The following CAGE1 variants were observed in gnomAD, a reference collection of about 807,000 sequenced individuals.
The protein encoded by CAGE1 is cancer-associated gene 1 protein.
A neutral mutation model predicts 94.9 loss-of-function variants in CAGE1; 66 were observed. The ratio of observed to expected loss-of-function variants is 0.70; its 90% confidence interval spans 0.57 to 0.85. CAGE1 has a LOEUF of 0.85. Ranked by LOEUF, CAGE1 falls within the 40% of genes least tolerant of loss-of-function variation. CAGE1 has a pLI of 0.00. For synonymous variants in CAGE1, 319 were observed against 321.0 expected, an observed-to-expected ratio of 0.99 and a Z score of 0.07; for missense variants, 865 against 950.4, an observed-to-expected ratio of 0.91 and a Z score of 1.18.
intron 6 of CAGE1, 36 bp downstream of exon 6, chr6:7,369,883 C>T (rs1050024727): frequency 1.3e-6 from 2 of 1,560,426 alleles, no homozygotes; most frequent in Non-Finnish European, 1.7e-6. Context: ...ATTTATTCCT[C>T]CCCTACTAAA....
At chr6:7,375,553 A>C (rs1488514119) in intron 4 of CAGE1, among the ~76,000 whole-genome samples, 3 of 152,196 alleles carry the variant, frequency 2.0e-5, no homozygotes, top group Non-Finnish European at 2.9e-5. Context: ...TTTGGGTAAC[A>C]CAGTGATACC....
At chr6:7,337,337 A>T (rs1758992336) in intron 11 of CAGE1, among the ~76,000 whole-genome samples, 1 of 151,808 alleles carries the variant, frequency 6.6e-6, no homozygotes, top group Non-Finnish European at 1.5e-5. Flanking sequence ...AAAAAAAAAA[A>T]AAAAAAAAAG....
chr6:7,345,087 G>C (rs566967538), intron 11 of CAGE1, among the ~76,000 whole-genome samples: 1 of 151,832 alleles, frequency 6.6e-6, no homozygotes, highest in South Asian at 2.1e-4. Flanking sequence ...CTTTCACCCT[G>C]CAGTAAATCT....
In CAGE1 at chr6:7,342,883, C is replaced by G. The variant is rs186457087; in HGVS notation, c.2370-8793G>C. ...TCTACATGTGGCTTGCCAATTATCC[C>G]AGCACCATTTGTTGAATAGGGTGTG... On this transcript the variant is annotated intron_variant, in intron 11 of 13. Coordinates refer to ENST00000502583, the MANE Select transcript of CAGE1 (RefSeq NM_001170692.2). Among the ~76,000 whole-genome samples the G allele has an allele frequency of 5.9e-5, 9 of 151,890 alleles. No individual in the cohort carries two copies. The East Asian group carries it at 1.7e-3, about 29-fold the overall frequency.
At chr6:7,371,662 A>G (rs1760542233) in intron 5 of CAGE1, among the ~76,000 whole-genome samples, 1 of 151,974 alleles carries the variant, frequency 6.6e-6, no homozygotes, top group Non-Finnish European at 1.5e-5. Context: ...GTGTGTGCCT[A>G]TATAATCCCA....
Position 7,378,848 on chromosome 6 carries a change from T to C in CAGE1, c.456A>G (p.Lys152=), listed in dbSNP as rs1334252821. 6.2e-7 allele frequency: 1 copy of C among 1,612,724 alleles called. No individual in the cohort carries two copies. The stretch of plus-strand genomic sequence containing the variant: ...ATGAGTCTTGCTTTATATTGTTGTC[T>C]TTTGCATAATTATACACTTGACTTT... ...EFQSQVYNYA[K]DNNIKQDSFK... Residue 152 remains lysine (K), a synonymous_variant, in exon 4 of 14, where the codon AAA becomes AAG. Coordinates refer to ENST00000502583, the MANE Select transcript of CAGE1 (RefSeq NM_001170692.2).
intron 13 of CAGE1, chr6:7,329,373 AG>A (rs1185522377): frequency 2.4e-5 from 8 of 340,376 alleles, no homozygotes; most frequent in Non-Finnish European, 3.7e-5. Flanking sequence ...AAGACTGGAT[AG>A]GAGGGCTGGA....
chr6:7,327,750 G>A (rs1177355577), intron 13 of CAGE1, among the ~76,000 whole-genome samples: 1 of 151,910 alleles, frequency 6.6e-6, no homozygotes, highest in Non-Finnish European at 1.5e-5. Flanking sequence ...GACCAACATG[G>A]AGAAACCCCG....
At chr6:7,377,709 C>T (rs1485800499) in intron 4 of CAGE1, among the ~76,000 whole-genome samples, 1 of 152,132 alleles carries the variant, frequency 6.6e-6, no homozygotes, top group Non-Finnish European at 1.5e-5. Flanking sequence ...TGCACTCCAG[C>T]CTGGGCAACA....
chr6:7,341,856 G>C, intron 11 of CAGE1: 1 of 680,900 alleles, frequency 1.5e-6, no homozygotes, highest in Admixed American at 1.8e-5. Context: ...TCAGGAACTG[G>C]GCCACTTCTT....
chr6:7,373,224 T>C lies in CAGE1; in HGVS notation c.1595A>G (p.Lys532Arg). The C allele has an allele frequency of 6.2e-7, 1 of 1,610,424 alleles. No homozygotes were observed. The highest frequency in any genetic ancestry group is 1.3e-5 in the African/African-American group (1 of 75,058). ...MSENERTKNI[K>R]LQQQINEVKN... The stretch of plus-strand genomic sequence containing the variant: ...TACTTCGTTGATTTGCTGCTGAAGT[T>C]TTATATTCTTCGTTCTTTCATTTTC... Residue 532 changes from lysine (K) to arginine (R), a missense_variant, in exon 5 of 14, where the codon AAA becomes AGA. By Grantham distance (26) the Lys-to-Arg change is conservative. Coordinates refer to ENST00000502583, the MANE Select transcript of CAGE1 (RefSeq NM_001170692.2).
At chr6:7,346,803 A>G (rs886933882) in intron 11 of CAGE1, among the ~76,000 whole-genome samples, 2 of 151,926 alleles carry the variant, frequency 1.3e-5, no homozygotes, top group Non-Finnish European at 2.9e-5. Flanking sequence ...TACTGACTCC[A>G]GCTGAGATTG....
In CAGE1 at chr6:7,368,716, T is replaced by C; in HGVS notation, c.1976A>G (p.His659Arg). Reference protein sequence around the residue: ...DIMLQKLKSLHLKKKTLDKEL... With the variant: ...DIMLQKLKSLRLKKKTLDKEL... The stretch of plus-strand genomic sequence containing the variant: ...TTTATCTAAAGTTTTCTTTTTAAGA[T>C]GGAGGCTCTTCAGTTTTTGCAGCAT... Residue 659 changes from histidine to arginine, a missense_variant, in exon 7 of 14, where the codon CAT becomes CGT. Coordinates refer to ENST00000502583, the MANE Select transcript of CAGE1 (RefSeq NM_001170692.2). 6.5e-7 allele frequency: 1 copy of C among 1,538,342 alleles called. No individual in the cohort carries two copies.
Position 7,388,689 on chromosome 6 carries a change from T to C in CAGE1, c.-24+513A>G, listed in dbSNP as rs556288063. On this transcript the variant is annotated intron_variant, in intron 1 of 13. Transcript: ENST00000502583. The stretch of plus-strand genomic sequence containing the variant: ...TTATTGAATTTCTGAATGAATAGTT[T>C]ATTGAAAATTAGTTGTTTTCAAACC... 2.5e-4 allele frequency among the ~76,000 whole-genome samples: 38 copies of C among 152,352 alleles called. 1 individual carries two copies. In the South Asian group the frequency reaches 7.7e-3, roughly 31 times the overall value.
chr6:7,386,473 A>G (rs1401038330), intron 2 of CAGE1, among the ~76,000 whole-genome samples: 3 of 152,198 alleles, frequency 2.0e-5, no homozygotes, highest in Admixed American at 6.5e-5. Flanking sequence ...AATCATTTGC[A>G]TACTGATGTA....
At chr6:7,383,240 C>T (rs923612478) in intron 3 of CAGE1, among the ~76,000 whole-genome samples, 2 of 152,216 alleles carry the variant, frequency 1.3e-5, no homozygotes. Flanking sequence ...CCAATTAAAC[C>T]TCTTTTCTTT....
chr6:7,346,299 A>C (rs1357991154), intron 11 of CAGE1, among the ~76,000 whole-genome samples: 2 of 152,244 alleles, frequency 1.3e-5, no homozygotes, highest in African/African-American at 4.8e-5. Context: ...TCACGCCTGT[A>C]ATCCCAGCAC....
At chr6:7,388,452 G>C (rs576031141) in intron 1 of CAGE1, among the ~76,000 whole-genome samples, 2 of 152,256 alleles carry the variant, frequency 1.3e-5, no homozygotes, top group East Asian at 3.9e-4. Context: ...CTGTTTTAGA[G>C]CTTCACCACT....
chr6:7,335,848 A>C (rs369227557), intron 11 of CAGE1, among the ~76,000 whole-genome samples: 2 of 152,376 alleles, frequency 1.3e-5, no homozygotes, highest in African/African-American at 4.8e-5. Context: ...AAGTGCTGGG[A>C]TTGTAGGCAT....
Sources: allele counts gnomAD v4.1 joint callset (sites outside exome capture counted in the v4.1 genomes callset), GRCh38; gene constraint gnomAD v4.1.1; transcripts MANE v1.5; gene names NCBI Gene and HGNC (gene_info 2026-07-23, HGNC 2026-07-21).